Variants in RXRA observed in about 807,000 individuals in gnomAD.
RXRA encodes the protein retinoic acid receptor RXR-alpha.
Under a neutral mutation model 44.5 loss-of-function variants are expected in RXRA, and 5 were observed. That is an observed-to-expected ratio of 0.11 (90% CI 0.06 to 0.24). The LOEUF (loss-of-function observed/expected upper bound fraction) is 0.24, where lower values mean the gene tolerates loss of function less well. RXRA is among the 10% of genes least tolerant of loss of function. The pLI is 1.00. For missense variants in RXRA, 412 were observed against 646.5 expected (o/e 0.64, Z 3.93); for synonymous variants, 291 against 271.4 (o/e 1.07, Z -0.71).
chr9:134,331,672 G>T (rs1349297731), intron 1 of RXRA, among the ~76,000 whole-genome samples: 1 of 152,238 alleles, frequency 6.6e-6, no homozygotes, highest in African/African-American at 2.4e-5. Flanking sequence ...CTTTATTTTT[G>T]GGACCTTGTG....
chr9:134,394,665 CAG>C (rs927312359), intron 1 of RXRA, among the ~76,000 whole-genome samples: 4 of 152,314 alleles, frequency 2.6e-5, no homozygotes, highest in East Asian at 1.9e-4. Flanking sequence ...CTACGTGCCT[CAG>C]GGGCCAGAGG....
At position 134,421,644 on chromosome 9, in the gene RXRA, C is replaced by T. The variant is rs544865536; in HGVS notation, c.781-32C>T. The T allele has an allele frequency of 1.2e-5, 19 of 1,546,830 alleles. No individual in the cohort carries two copies. In the Admixed American group the frequency reaches 2.9e-4, roughly 24 times the overall value. ...TTGGTCAGTACACTGGCTTCTGGGA[C>T]TGAATGTCCTGCTCTTCTTCCTCCA... On this transcript the variant is annotated intron_variant, in intron 5 of 9. Transcript: ENST00000481739.
Position 134,436,470 on chromosome 9 carries a change from C to T in RXRA, c.1245C>T (p.Phe415=), listed in dbSNP as rs773179692. Residue 415 remains phenylalanine, a synonymous_variant, in exon 10 of 10, where the codon TTC becomes TTT. Coordinates refer to ENST00000481739, the MANE Select transcript of RXRA (RefSeq NM_002957.6). The stretch of plus-strand genomic sequence containing the variant: ...TCACCAGACCTGTTCCCTGCAGGTT[C>T]GCTAAGCTCTTGCTCCGCCTGCCGG... ...KHKYPEQPGR[F]AKLLLRLPAL... is the part of the protein sequence containing the mutation. 5.1e-5 allele frequency: 82 copies of T among 1,613,756 alleles called. No homozygotes were observed. In the Middle Eastern group the frequency reaches 6.6e-4, roughly 13 times the overall value.
chr9:134,413,198 G>A (rs572245078), intron 4 of RXRA, among the ~76,000 whole-genome samples: 1 of 152,184 alleles, frequency 6.6e-6, no homozygotes, highest in Non-Finnish European at 1.5e-5. Flanking sequence ...GCGAGCTTGG[G>A]GGTGGATGAG....
intron 4 of RXRA, among the ~76,000 whole-genome samples, chr9:134,416,068 C>T (rs145662036): frequency 1.3e-5 from 2 of 151,484 alleles, no homozygotes; most frequent in African/African-American, 4.8e-5. Context: ...TCAGGACTTT[C>T]AGGGAAGGGG....
intron 1 of RXRA, among the ~76,000 whole-genome samples, chr9:134,368,217 C>A (rs1334148497): frequency 1.3e-5 from 2 of 152,228 alleles, no homozygotes; most frequent in Admixed American, 1.3e-4. Context: ...GGCTGTGGCT[C>A]CCACAGTGCC....
intron 8 of RXRA, among the ~76,000 whole-genome samples, chr9:134,432,776 G>A (rs1196597581): frequency 6.6e-6 from 1 of 152,188 alleles, no homozygotes; most frequent in African/African-American, 2.4e-5. Flanking sequence ...CACTTCCTCC[G>A]GGAGCTGCAA....
chr9:134,346,281 T>G (rs976328745), intron 1 of RXRA, among the ~76,000 whole-genome samples: 2 of 152,148 alleles, frequency 1.3e-5, no homozygotes, highest in African/African-American at 4.8e-5. Flanking sequence ...CGCGGCTTGC[T>G]GGGGACCAGC....
intron 1 of RXRA, among the ~76,000 whole-genome samples, chr9:134,370,519 G>A (rs151121390): frequency 6.6e-6 from 1 of 152,238 alleles, no homozygotes; most frequent in East Asian, 1.9e-4. Flanking sequence ...CCTTTGCCCC[G>A]TAGACGAAGG....
At chr9:134,363,810 A>G (rs1338134411) in intron 1 of RXRA, among the ~76,000 whole-genome samples, 1 of 152,150 alleles carries the variant, frequency 6.6e-6, no homozygotes, top group East Asian at 1.9e-4. Flanking sequence ...GAGCATGGGG[A>G]TCCCGGGGCC....
At position 134,374,866 on chromosome 9, in the gene RXRA, C is replaced by T. The variant is rs1370327709; in HGVS notation, c.29-26766C>T. On this transcript the variant is annotated intron_variant, in intron 1 of 9. Transcript: ENST00000481739. Reference sequence around the variant, plus strand: ...CTGCCTGGCTAGTTCTTAAGGACTCCTGCAGCTGGCGCCGACCTGGTCCCG... The same window carrying T: ...CTGCCTGGCTAGTTCTTAAGGACTCTTGCAGCTGGCGCCGACCTGGTCCCG... 2.6e-5 allele frequency among the ~76,000 whole-genome samples: 4 copies of T among 152,230 alleles called. No homozygotes were observed. The South Asian group carries it at 6.2e-4, about 24-fold the overall frequency.
intron 1 of RXRA, among the ~76,000 whole-genome samples, chr9:134,331,382 G>A (rs1253628454): frequency 2.0e-5 from 3 of 152,228 alleles, no homozygotes; most frequent in Non-Finnish European, 4.4e-5. Flanking sequence ...GCCGCTGTGG[G>A]GAGAGCGGGT....
intron 1 of RXRA, among the ~76,000 whole-genome samples, chr9:134,377,730 G>T (rs777656455): frequency 2.8e-4 from 42 of 152,200 alleles, no homozygotes; most frequent in Non-Finnish European, 5.4e-4. Flanking sequence ...CTGACTTCCA[G>T]CTGCTGCCCG....
At chr9:134,413,015 G>A (rs542141724) in intron 4 of RXRA, among the ~76,000 whole-genome samples, 6 of 151,394 alleles carry the variant, frequency 4.0e-5, no homozygotes, top group South Asian at 4.2e-4. Context: ...GTGCATGTGC[G>A]TGCACTGCAG....
chr9:134,362,298 G>C (rs762504596), intron 1 of RXRA, among the ~76,000 whole-genome samples: 4 of 152,138 alleles, frequency 2.6e-5, no homozygotes, highest in Non-Finnish European at 5.9e-5. Flanking sequence ...CTCCCTGCCT[G>C]GTCGCCCCTC....
intron 1 of RXRA, among the ~76,000 whole-genome samples, chr9:134,341,030 G>A (rs1398785231): frequency 6.6e-6 from 1 of 152,240 alleles, no homozygotes; most frequent in African/African-American, 2.4e-5. Context: ...CCTGACCCTG[G>A]CCTCGTGCCC....
At chr9:134,338,382 G>A (rs1375745870) in intron 1 of RXRA, among the ~76,000 whole-genome samples, 2 of 152,226 alleles carry the variant, frequency 1.3e-5, no homozygotes, top group African/African-American at 4.8e-5. Flanking sequence ...GCCCCTGGCT[G>A]CAGGACACAG....
chr9:134,390,133 G>A (rs1057060055), intron 1 of RXRA, among the ~76,000 whole-genome samples: 7 of 152,118 alleles, frequency 4.6e-5, no homozygotes, highest in Non-Finnish European at 7.4e-5. Context: ...TTTTTCTCTC[G>A]GCCTCCTGGG....
chr9:134,350,995 T>C (rs1830215263), intron 1 of RXRA, among the ~76,000 whole-genome samples: 1 of 152,210 alleles, frequency 6.6e-6, no homozygotes, highest in Admixed American at 6.5e-5. Context: ...TGAGCATCCC[T>C]CACCTGCCTA....
Sources: allele counts gnomAD v4.1 joint callset (sites outside exome capture counted in the v4.1 genomes callset), GRCh38; gene constraint gnomAD v4.1.1; transcripts MANE v1.5; gene names NCBI Gene and HGNC (gene_info 2026-07-23, HGNC 2026-07-21).